The following PXDNL variants were observed in gnomAD, a reference collection of about 807,000 sequenced individuals.
PXDNL encodes probable oxidoreductase PXDNL.
Under a neutral mutation model 150.8 loss-of-function variants are expected in PXDNL, and 145 were observed. That is an observed-to-expected ratio of 0.96 (90% CI 0.84 to 1.10). The LOEUF is 1.10. PXDNL is among the 50% of genes least tolerant of loss of function. PXDNL has a pLI of 0.00. For synonymous variants in PXDNL, 757 were observed against 725.7 expected, an observed-to-expected ratio of 1.04 and a Z score of -0.69; for missense variants, 2,087 against 1,873.9, an observed-to-expected ratio of 1.11 and a Z score of -2.10.
chr8:51,338,885 T>C (rs1805909153), intron 21 of PXDNL, among the ~76,000 whole-genome samples: 2 of 152,232 alleles, frequency 1.3e-5, no homozygotes, highest in Non-Finnish European at 1.5e-5. Flanking sequence ...GAGAAAACAG[T>C]ACTTCCTAAG....
rs574316634 is a variant in PXDNL at position 51,658,481 on chromosome 8, C to T, written c.165-3721G>A. Among the ~76,000 whole-genome samples the T allele has an allele frequency of 2.6e-5, 4 of 152,020 alleles. No individual in the cohort carries two copies. The East Asian group carries it at 5.8e-4, about 22-fold the overall frequency. ...ATACCAAAATGAATATGTTAGCACT[C>T]GATCCTCTTTGGCTAGTACATTCTG... is the stretch of plus-strand genomic sequence containing the variant. On this transcript the variant is annotated intron_variant, in intron 1 of 22. Coordinates refer to ENST00000356297, the MANE Select transcript of PXDNL (RefSeq NM_144651.5).
intron 19 of PXDNL, among the ~76,000 whole-genome samples, chr8:51,357,105 C>A (rs1260735057): frequency 6.6e-6 from 1 of 152,256 alleles, no homozygotes; most frequent in African/African-American, 2.4e-5. Context: ...AAAACAAAAA[C>A]CCCTCCTCAT....
chr8:51,320,117 GCTGA>G (rs746161780), intron 22 of PXDNL, 95 bp from the exon 23 acceptor site: 16 of 1,065,460 alleles, frequency 1.5e-5, no homozygotes, highest in African/African-American at 1.2e-4. Flanking sequence ...AATCTAATAA[GCTGA>G]CTGTCTCAAT....
chr8:51,449,117 A>C lies in PXDNL; in HGVS notation c.1251T>G (p.Ala417=). The part of the protein sequence containing the change: ...VQAAANIIVQ[A]PPQFTVTPKD... ...TGGGGGTTACTGTAAATTGTGGAGGAGCTAAAGAGAATGAAACATACATCA... is the reference window on the plus strand; with the variant it reads ...TGGGGGTTACTGTAAATTGTGGAGGCGCTAAAGAGAATGAAACATACATCA... Residue 417 remains alanine, a splice_region_variant and synonymous_variant, in exon 11 of 23, where the codon GCT becomes GCG. Coordinates refer to ENST00000356297, the MANE Select transcript of PXDNL (RefSeq NM_144651.5). 1 of 1,506,158 alleles carries C rather than the reference A, an allele frequency of 6.6e-7. No homozygotes were observed. The highest frequency in any genetic ancestry group is 1.7e-4 in the Middle Eastern group (1 of 5,878). 93.3% of individuals were successfully genotyped at this position (1,506,158 alleles called of 1,614,324 possible).
chr8:51,643,208 GA>G lies in PXDNL; in HGVS notation c.236+11480del, dbSNP rs1007402569. On this transcript the variant is annotated intron_variant, in intron 2 of 22. Coordinates refer to ENST00000356297, the MANE Select transcript of PXDNL (RefSeq NM_144651.5). ...AAAAAACTACTTTAAAGTTCATATG[GA>G]ACCAAAAAAGAGCCCACATTGCCAA... Among the ~76,000 whole-genome samples the G allele has an allele frequency of 6.4e-4, 97 of 151,974 alleles. 1 individual carries two copies. Among genetic ancestry groups the G allele is most frequent in the African/African-American group, 2.3e-3 (95 of 41,358 alleles).
chr8:51,594,599 T>G (rs1467137790), intron 2 of PXDNL, among the ~76,000 whole-genome samples: 1 of 152,188 alleles, frequency 6.6e-6, no homozygotes, highest in East Asian at 1.9e-4. Flanking sequence ...AAGTATGAGA[T>G]CAAACAATTT....
chr8:51,416,684 A>G (rs929336448), intron 14 of PXDNL, among the ~76,000 whole-genome samples: 1 of 152,278 alleles, frequency 6.6e-6, no homozygotes, highest in Non-Finnish European at 1.5e-5. Flanking sequence ...TATACTGTCA[A>G]TATGATTTGC....
intron 2 of PXDNL, among the ~76,000 whole-genome samples, chr8:51,644,388 ATGTGTATATATATACACATG>A (rs1421052164): frequency 1.1e-4 from 4 of 35,416 alleles, no homozygotes; most frequent in Non-Finnish European, 2.8e-4. Context: ...ACACACACAT[ATGTGTATATATATACACATG>A]TGTGTGTATA....
chr8:51,475,818 C>T (rs1301221781), intron 6 of PXDNL, among the ~76,000 whole-genome samples: 1 of 151,740 alleles, frequency 6.6e-6, no homozygotes, highest in Non-Finnish European at 1.5e-5. Context: ...CTATCGTTGT[C>T]ATTTTTATAA....
intron 1 of PXDNL, among the ~76,000 whole-genome samples, chr8:51,746,187 T>C (rs2036982949): frequency 6.6e-6 from 1 of 152,198 alleles, no homozygotes; most frequent in Admixed American, 6.5e-5. Flanking sequence ...CCCCTCATCT[T>C]CAAGAATTCT....
intron 2 of PXDNL, among the ~76,000 whole-genome samples, chr8:51,600,282 AATT>A (rs1406633949): frequency 9.8e-6 from 1 of 101,928 alleles, no homozygotes; most frequent in Admixed American, 1.2e-4. Context: ...TTAGATAATA[AATT>A]ATATCTTATA....
At chr8:51,650,390 C>A (rs1039129517) in intron 2 of PXDNL, among the ~76,000 whole-genome samples, 1 of 152,060 alleles carries the variant, frequency 6.6e-6, no homozygotes, top group Admixed American at 6.6e-5. Context: ...CTGCCATGAT[C>A]GAGTATAAAA....
intron 5 of PXDNL, among the ~76,000 whole-genome samples, chr8:51,490,623 CACATATATATATACATATATAT>C (rs1408035192): frequency 5.5e-5 from 8 of 144,194 alleles, no homozygotes; most frequent in African/African-American, 2.7e-5. Context: ...ATTTATGAGT[CACATATATATATACATATATAT>C]ACATATATAT....
intron 2 of PXDNL, among the ~76,000 whole-genome samples, chr8:51,653,490 G>T (rs1815083272): frequency 6.6e-6 from 1 of 152,128 alleles, no homozygotes; most frequent in Non-Finnish European, 1.5e-5. Flanking sequence ...AGGATCCCTG[G>T]GGAAGAGGGC....
At chr8:51,370,610 C>T (rs1807072183) in intron 19 of PXDNL, among the ~76,000 whole-genome samples, 1 of 152,138 alleles carries the variant, frequency 6.6e-6, no homozygotes, top group African/African-American at 2.4e-5. Context: ...AACCGTGACT[C>T]AGGTGTCATT....
At chr8:51,433,387 G>A (rs571249678) in intron 12 of PXDNL, among the ~76,000 whole-genome samples, 9 of 151,786 alleles carry the variant, frequency 5.9e-5, no homozygotes, top group Non-Finnish European at 1.0e-4. Flanking sequence ...AAATTTGATC[G>A]AATGTTTTCC....
chr8:51,410,714 T>C (rs1309070896), intron 16 of PXDNL, among the ~76,000 whole-genome samples: 1 of 152,224 alleles, frequency 6.6e-6, no homozygotes, highest in Non-Finnish European at 1.5e-5. Flanking sequence ...AAGCTTTCTA[T>C]ATCATCTCAT....
chr8:51,395,338 A>C (rs1227358112), intron 17 of PXDNL, among the ~76,000 whole-genome samples: 7 of 152,204 alleles, frequency 4.6e-5, no homozygotes. Flanking sequence ...CACCCTCCAG[A>C]AATCATCGAT....
At chr8:51,402,154 T>C (rs150830720) in intron 17 of PXDNL, among the ~76,000 whole-genome samples, 222 of 152,340 alleles carry the variant, frequency 1.5e-3, no homozygotes, top group Middle Eastern at 6.8e-3. Context: ...CTATTTTTAA[T>C]ATAGAGTGAA....
Sources: gnomAD v4.1 joint callset for allele counts (sites outside exome capture counted in the v4.1 genomes callset) on GRCh38, gnomAD v4.1.1 for gene constraint, MANE v1.5 for transcripts, NCBI Gene and HGNC (gene_info 2026-07-23, HGNC 2026-07-21) for gene names.